The following GSN variants were observed in gnomAD, a reference collection of about 807,000 sequenced individuals.
GSN encodes gelsolin.
A neutral mutation model predicts 85.7 loss-of-function variants in GSN; 56 were observed. The ratio of observed to expected loss-of-function variants is 0.65; its 90% confidence interval spans 0.53 to 0.82. The LOEUF (loss-of-function observed/expected upper bound fraction) is 0.82, where lower values mean the gene tolerates loss of function less well. GSN is among the 40% of genes least tolerant of loss of function. The pLI, the probability that GSN is intolerant of heterozygous loss-of-function variation, is 0.00. For synonymous variants in GSN, 373 were observed against 399.1 expected, an observed-to-expected ratio of 0.93 and a Z score of 0.78; for missense variants, 857 against 979.8, an observed-to-expected ratio of 0.87 and a Z score of 1.67.
chr9:121,276,941 TAAA>T (rs201067511), intron 1 of GSN, among the ~76,000 whole-genome samples: 1 of 147,464 alleles, frequency 6.8e-6, no homozygotes, highest in Non-Finnish European at 1.5e-5. Context: ...TAAAGTATAA[TAAA>T]AAAAAAAGAA....
chr9:121,305,180 A>G (rs534072853), intron 4 of GSN, among the ~76,000 whole-genome samples: 82 of 152,196 alleles, frequency 5.4e-4, no homozygotes, highest in Non-Finnish European at 9.4e-4. Flanking sequence ...AACAAGGATG[A>G]TAATAACCCT....
intron 4 of GSN, among the ~76,000 whole-genome samples, chr9:121,303,372 GTTC>G (rs2060098586): frequency 6.6e-6 from 1 of 152,186 alleles, no homozygotes; most frequent in South Asian, 2.1e-4. Flanking sequence ...TGAAAATCCA[GTTC>G]TTCTTGCAGG....
At chr9:121,317,953 G>A (rs2133651796) in intron 8 of GSN, 1 of 242,820 alleles carries the variant, frequency 4.1e-6, no homozygotes, top group East Asian at 1.0e-4. Context: ...GAGAAGGCTG[G>A]GACTGAGGCC....
chr9:121,292,477 G>A (rs564540580), intron 2 of GSN, among the ~76,000 whole-genome samples: 2 of 152,118 alleles, frequency 1.3e-5, no homozygotes, highest in African/African-American at 2.4e-5. Context: ...GTGTGTATAG[G>A]GTCTGGACAC....
rs1019480756 is a variant in GSN at position 121,329,080 on chromosome 9, G to A, written c.1887+65G>A. The A allele has an allele frequency of 8.8e-6, 14 of 1,588,622 alleles. No individual in the cohort carries two copies. Among genetic ancestry groups the A allele is most frequent in the East Asian group, 4.5e-5 (2 of 44,398 alleles). On this transcript the variant is annotated intron_variant, in intron 15 of 17. Transcript: ENST00000432226. The surrounding 1 kb of genome is among the most constrained non-coding windows in gnomAD (Gnocchi z 4.6). ...GGAGGCGAGTTCCACAGGACTGGCCGGCAGCAGGGGCAGGAGAAACAGTTC... is the reference window on the plus strand; with the variant it reads ...GGAGGCGAGTTCCACAGGACTGGCCAGCAGCAGGGGCAGGAGAAACAGTTC...
chr9:121,258,630 T>C (rs1030004259), intron 6 of GSN, among the ~76,000 whole-genome samples: 1 of 152,224 alleles, frequency 6.6e-6, no homozygotes, highest in Non-Finnish European at 1.5e-5. Context: ...TAAATTGATA[T>C]CAACATCTTG....
chr9:121,329,028 G>A lies in GSN; in HGVS notation c.1887+13G>A, dbSNP rs746537080. On this transcript the variant is annotated intron_variant, in intron 15 of 17. Transcript: ENST00000432226. The surrounding 1 kb of genome is among the most constrained non-coding windows in gnomAD (Gnocchi z 4.6). ...TGGACGTTTTGTGGTGAGCCCCTGCGGAGGTCACACCTCTGCTTTCCCCTC... is the reference window on the plus strand; with the variant it reads ...TGGACGTTTTGTGGTGAGCCCCTGCAGAGGTCACACCTCTGCTTTCCCCTC... 28 of 1,612,972 alleles carry A rather than the reference G, an allele frequency of 1.7e-5. No homozygotes were observed. Among genetic ancestry groups the A allele is most frequent in the East Asian group, 4.5e-5 (2 of 44,882 alleles).
At chr9:121,291,509 C>G (rs1373005451) in intron 2 of GSN, among the ~76,000 whole-genome samples, 1 of 149,572 alleles carries the variant, frequency 6.7e-6, no homozygotes, top group Non-Finnish European at 1.5e-5. Flanking sequence ...ACCTCCATCT[C>G]GTGGGTTCAA....
At chr9:121,291,401 T>C (rs73536878) in intron 2 of GSN, among the ~76,000 whole-genome samples, 1,757 of 149,324 alleles carry the variant, frequency 0.012, 45 homozygotes, top group African/African-American at 0.041. Flanking sequence ...TTCTCTGATA[T>C]GTCTCCCCAC....
intron 4 of GSN, among the ~76,000 whole-genome samples, chr9:121,214,234 TTTCTCCTTCC>T (rs544564835): frequency 1.1e-4 from 16 of 151,810 alleles, no homozygotes; most frequent in Non-Finnish European, 2.2e-4. Context: ...TTCTTCCTTC[TTTCTCCTTCC>T]TTCTCTCTCT....
chr9:121,317,555 G>T, intron 8 of GSN: 1 of 346,852 alleles, frequency 2.9e-6, no homozygotes, highest in Non-Finnish European at 5.6e-6. Flanking sequence ...GGCAACAGTG[G>T]ATTTTAAAAT....
chr9:121,281,956 G>A (rs1408677543), intron 2 of GSN: 1 of 471,834 alleles, frequency 2.1e-6, no homozygotes, highest in Admixed American at 2.3e-5. Context: ...TTGGAGAGGT[G>A]AGAAAAATGG....
At chr9:121,276,616 A>G (rs188431243) in intron 1 of GSN, among the ~76,000 whole-genome samples, 9 of 152,286 alleles carry the variant, frequency 5.9e-5, no homozygotes, top group Admixed American at 4.6e-4. Context: ...GCCTGGCTCT[A>G]CCCTCTCACT....
At chr9:121,259,804 C>A (rs2055043302) in intron 6 of GSN, among the ~76,000 whole-genome samples, 1 of 152,326 alleles carries the variant, frequency 6.6e-6, no homozygotes, top group African/African-American at 2.4e-5. Flanking sequence ...TATTTTATGC[C>A]ATGATCAAGT....
At chr9:121,218,045 G>T (rs946176351) in intron 4 of GSN, among the ~76,000 whole-genome samples, 1 of 151,962 alleles carries the variant, frequency 6.6e-6, no homozygotes, top group Non-Finnish European at 1.5e-5. Context: ...TTATGTATGT[G>T]TCCAGTCTAC....
upstream of GSN, among the ~76,000 whole-genome samples, chr9:121,263,084 T>C (rs2055120301): frequency 6.6e-6 from 1 of 152,210 alleles, no homozygotes. Context: ...GTGAGTCGAA[T>C]GGGGGAAGCC....
intron 11 of GSN, 109 bp downstream of exon 11, chr9:121,321,510 T>A: frequency 1.9e-6 from 2 of 1,033,392 alleles, no homozygotes; most frequent in Non-Finnish European, 2.9e-6. Context: ...CACCACTCCC[T>A]GCTGGGAGAG....
rs202182690 is a variant in GSN at position 121,217,798 on chromosome 9, GTATTATTATTAT to G, written c.-528+6959_-528+6970del. Among the ~76,000 whole-genome samples, 348 of 143,366 alleles carry G rather than the reference GTATTATTATTAT, an allele frequency of 2.4e-3. 2 individuals carry two copies. Among genetic ancestry groups the G allele is most frequent in the African/African-American group, 7.1e-3 (279 of 39,438 alleles). 94.1% of individuals were successfully genotyped at this position (143,366 alleles called of 152,430 possible). A position where few individuals can be genotyped will look rare whatever the true frequency, so the allele number is the denominator to read the frequency against. On this transcript the variant is annotated intron_variant, in intron 4 of 24. Coordinates refer to the GSN transcript ENST00000373823. Reference sequence around the variant, plus strand: ...TAAATATTTCAAATAATATAGAAATGTATTATTATTATTATTATTATTATTATTATTATTATT... The same window carrying G: ...TAAATATTTCAAATAATATAGAAATGTATTATTATTATTATTATTATTATT...
the GSN span, among the ~76,000 whole-genome samples, chr9:121,202,674 A>G: frequency 2.0e-5 from 3 of 152,180 alleles, no homozygotes; most frequent in African/African-American, 2.4e-5. Flanking sequence ...TGGCTTGTAC[A>G]TTACACACAC....
Sources: gnomAD v4.1 joint callset for allele counts (sites outside exome capture counted in the v4.1 genomes callset) on GRCh38, gnomAD v4.1.1 for gene constraint, Gnocchi (gnomAD v3.1) non-coding constraint, MANE v1.5 for transcripts, NCBI Gene and HGNC (gene_info 2026-07-23, HGNC 2026-07-21) for gene names.